CPEB3: variants seen among roughly 807,000 people sequenced by gnomAD.
The protein encoded by CPEB3 is cytoplasmic polyadenylation element binding protein 3.
In CPEB3, 20 loss-of-function variants were observed where a neutral mutation model predicts 67.2. The ratio of observed to expected loss-of-function variants is 0.30; its 90% CI spans 0.21 to 0.43. CPEB3 has a LOEUF of 0.43. Ranked by LOEUF, CPEB3 falls within the 20% of genes least tolerant of loss-of-function variation. The pLI, the probability that CPEB3 is intolerant of heterozygous loss-of-function variation, is 1.00. For missense variants in CPEB3, 746 were observed against 968.6 expected, an observed-to-expected ratio of 0.77 and a Z score of 3.05; for synonymous variants, 376 against 393.1, an observed-to-expected ratio of 0.96 and a Z score of 0.51.
chr10:92,238,795 C>G (rs1229497370), intron 2 of CPEB3, among the ~76,000 whole-genome samples: 1 of 152,156 alleles, frequency 6.6e-6, no homozygotes, highest in Non-Finnish European at 1.5e-5. Flanking sequence ...ATTCTAGCAC[C>G]TTAGCGAGAC....
intron 1 of CPEB3, among the ~76,000 whole-genome samples, chr10:92,289,566 A>C (rs1230915538): frequency 6.6e-6 from 1 of 151,278 alleles, no homozygotes; most frequent in Non-Finnish European, 1.5e-5. Flanking sequence ...TTAATTAAAT[A>C]AATGAATTAA....
At chr10:92,282,559 G>A (rs566448826) in intron 1 of CPEB3, among the ~76,000 whole-genome samples, 13 of 151,980 alleles carry the variant, frequency 8.6e-5, no homozygotes, top group East Asian at 3.9e-4. Context: ...GTGGTGGCGC[G>A]TGCCTGTAAT....
chr10:92,108,657 G>A (rs542937804), intron 7 of CPEB3, among the ~76,000 whole-genome samples: 33 of 152,262 alleles, frequency 2.2e-4, no homozygotes, highest in African/African-American at 7.2e-4. Context: ...ATTGGCAGTC[G>A]CCATTCAGAA....
At chr10:92,252,551 GATAA>G (rs1852343427) in intron 1 of CPEB3, among the ~76,000 whole-genome samples, 1 of 151,912 alleles carries the variant, frequency 6.6e-6, no homozygotes. Context: ...TAATAGAATG[GATAA>G]ATAAATTTGT....
At position 92,048,655 on chromosome 10, in the gene CPEB3, C is replaced by G. The variant is rs1431932707; in HGVS notation, c.*3557G>C. On this transcript the variant is annotated 3_prime_UTR_variant, in exon 10 of 10. Transcript: ENST00000265997. The surrounding 1 kb of genome is among the most constrained non-coding windows in gnomAD (Gnocchi z 4.1). ...ATCTCACATGTTCTGCTCATTCTGT[C>G]ATTTTATTACCCAATTATCCATTAC... 1.3e-5 allele frequency: 2 copies of G among 152,708 alleles called. No homozygotes were observed. Among genetic ancestry groups the G allele is most frequent in the East Asian group, 3.9e-4 (2 of 5,180 alleles). The allele number at this position is 152,708 out of a possible 1,614,324, so 9.5% of individuals were successfully genotyped here.
intron 4 of CPEB3, among the ~76,000 whole-genome samples, chr10:92,172,239 C>T (rs1419535855): frequency 6.6e-6 from 1 of 152,130 alleles, no homozygotes; most frequent in African/African-American, 2.4e-5. Flanking sequence ...GATCTGTCTG[C>T]CTCCCTACCT....
intron 6 of CPEB3, among the ~76,000 whole-genome samples, chr10:92,136,095 G>A (rs553667042): frequency 2.0e-5 from 3 of 152,018 alleles, no homozygotes; most frequent in South Asian, 4.2e-4. Context: ...AACCAACATG[G>A]CACATGTATA....
At chr10:92,142,940 C>T (rs1846507808) in intron 6 of CPEB3, 89 bp downstream of exon 6, 2 of 821,412 alleles carry the variant, frequency 2.4e-6, no homozygotes, top group Non-Finnish European at 2.0e-6. Context: ...AATTCAACAG[C>T]TATTTCAAGA....
chr10:92,143,981 A>G (rs1846560268), intron 5 of CPEB3, among the ~76,000 whole-genome samples: 1 of 152,248 alleles, frequency 6.6e-6, no homozygotes, highest in African/African-American at 2.4e-5. Context: ...AAATGCTAGA[A>G]AAACAAGACT....
intron 6 of CPEB3, chr10:92,137,293 C>T: frequency 1.5e-6 from 1 of 657,400 alleles, no homozygotes; most frequent in South Asian, 1.8e-5. Context: ...GCAGAAACTA[C>T]AGATGGAAGT....
intron 1 of CPEB3, among the ~76,000 whole-genome samples, chr10:92,271,029 T>C (rs1308783968): frequency 6.6e-6 from 1 of 152,000 alleles, no homozygotes; most frequent in African/African-American, 2.4e-5. Flanking sequence ...ATACAAAAAT[T>C]AGCCGGGCAT....
intron 9 of CPEB3, chr10:92,076,409 A>T (rs1842935814): frequency 6.6e-6 from 1 of 152,098 alleles, no homozygotes; most frequent in African/African-American, 2.4e-5. Context: ...ATGATTTATT[A>T]TTATTATTTT....
At chr10:92,246,755 G>A (rs1040664617) in intron 1 of CPEB3, among the ~76,000 whole-genome samples, 1 of 152,086 alleles carries the variant, frequency 6.6e-6, no homozygotes, top group Non-Finnish European at 1.5e-5. Flanking sequence ...TGATCCACCC[G>A]CCTCGGCCTC....
chr10:92,223,566 TC>T (rs1329028083), intron 2 of CPEB3, among the ~76,000 whole-genome samples: 3 of 140,530 alleles, frequency 2.1e-5, no homozygotes, highest in Admixed American at 7.4e-5. Flanking sequence ...CCTAATTATT[TC>T]TTTTTTTTTT....
At chr10:92,254,909 C>A (rs529342152) in intron 1 of CPEB3, among the ~76,000 whole-genome samples, 1 of 151,698 alleles carries the variant, frequency 6.6e-6, no homozygotes, top group East Asian at 1.9e-4. Context: ...AGTGCTGCCA[C>A]ATCACCCAGG....
chr10:92,087,383 G>A (rs923962745), intron 8 of CPEB3, among the ~76,000 whole-genome samples: 1 of 152,186 alleles, frequency 6.6e-6, no homozygotes, highest in Non-Finnish European at 1.5e-5. Context: ...AGGAAAGATA[G>A]AACCAAAAGA....
chr10:92,119,428 G>C (rs892887286), intron 6 of CPEB3, among the ~76,000 whole-genome samples: 1 of 152,214 alleles, frequency 6.6e-6, no homozygotes, highest in African/African-American at 2.4e-5. Context: ...ACTAGAAGCA[G>C]TTATTCTCTT....
intron 6 of CPEB3, among the ~76,000 whole-genome samples, chr10:92,127,254 C>T (rs1011777319): frequency 6.6e-6 from 1 of 152,086 alleles, no homozygotes; most frequent in Non-Finnish European, 1.5e-5. Flanking sequence ...TCAAGACCAG[C>T]CTGGACCCCA....
intron 2 of CPEB3, among the ~76,000 whole-genome samples, chr10:92,217,421 C>T (rs1850481401): frequency 6.6e-6 from 1 of 151,928 alleles, no homozygotes; most frequent in Admixed American, 6.6e-5. Flanking sequence ...TCCCAGCATG[C>T]TTTTCAAGTC....
Sources: allele counts gnomAD v4.1 joint callset (sites outside exome capture counted in the v4.1 genomes callset), GRCh38; gene constraint gnomAD v4.1.1; non-coding constraint Gnocchi (gnomAD v3.1); transcripts MANE v1.5; gene names NCBI Gene and HGNC (gene_info 2026-07-23, HGNC 2026-07-21).